PTCSC3: variants seen among roughly 807,000 people sequenced by gnomAD.
PTCSC3 encodes the protein papillary thyroid carcinoma susceptibility candidate 3.
downstream of PTCSC3, among the ~76,000 whole-genome samples, chr14:36,135,875 ATG>A (rs536336304): frequency 3.6e-5 from 3 of 84,346 alleles, no homozygotes; most frequent in South Asian, 4.3e-4. Flanking sequence ...ATATATATAT[ATG>A]TGTGTGTGTG....
intron 2 of PTCSC3, among the ~76,000 whole-genome samples, chr14:36,158,578 C>T (rs898156526): frequency 6.6e-6 from 1 of 152,146 alleles, no homozygotes; most frequent in Non-Finnish European, 1.5e-5. Context: ...TGTGTTGAAC[C>T]AGCCTTGCAT....
upstream of PTCSC3, chr14:36,176,528 C>T (rs2139117100): frequency 6.6e-6 from 1 of 152,070 alleles, no homozygotes; most frequent in Non-Finnish European, 1.5e-5. Context: ...TGCGATCCCC[C>T]TGGATATTTT....
At chr14:36,169,984 C>T (rs1055383649) in intron 1 of PTCSC3, among the ~76,000 whole-genome samples, 2 of 152,042 alleles carry the variant, frequency 1.3e-5, no homozygotes, top group African/African-American at 2.4e-5. Flanking sequence ...AGCTCTAGAA[C>T]GTTGAACTGT....
chr14:36,149,883 CA>C (rs532696940), intron 3 of PTCSC3, among the ~76,000 whole-genome samples: 1 of 152,142 alleles, frequency 6.6e-6, no homozygotes, highest in South Asian at 2.1e-4. Flanking sequence ...TGCTTAGGAC[CA>C]AAAGTTTTTC....
chr14:36,160,046 G>C (rs1042794830), intron 2 of PTCSC3, among the ~76,000 whole-genome samples: 2 of 152,012 alleles, frequency 1.3e-5, no homozygotes, highest in African/African-American at 4.8e-5. Flanking sequence ...AGGATTGCAA[G>C]CCCTGCTTTT....
At chr14:36,158,178 A>C (rs142350935) in intron 2 of PTCSC3, among the ~76,000 whole-genome samples, 2,093 of 152,316 alleles carry the variant, frequency 0.014, 42 homozygotes, top group African/African-American at 0.044. Context: ...TTTTCTAAAT[A>C]TACAATCATG....
In PTCSC3 at chr14:36,163,634, C is replaced by T. The variant is rs12433979; in HGVS notation, n.172-951G>A. On this transcript the variant is annotated intron_variant and non_coding_transcript_variant, in intron 1 of 3. Transcript: ENST00000556013. ...GGAATTCTGCACGTATCTAGAAGGG[C>T]TTTTGCCAGAAAACCGTTAAGCTTA... Among the ~76,000 whole-genome samples, 1,012 of 152,268 alleles carry T rather than the reference C, an allele frequency of 6.6e-3. 11 individuals carry two copies. Among genetic ancestry groups the T allele is most frequent in the African/African-American group, 0.021 (852 of 41,554 alleles).
chr14:36,148,519 G>A (rs946255275), intron 3 of PTCSC3, among the ~76,000 whole-genome samples: 15 of 152,310 alleles, frequency 9.8e-5, no homozygotes, highest in African/African-American at 2.9e-4. Context: ...GCCCTGCTTC[G>A]GCTAGCGTGC....
At chr14:36,172,545 CCCT>C (rs1364820469) in intron 1 of PTCSC3, among the ~76,000 whole-genome samples, 4 of 152,078 alleles carry the variant, frequency 2.6e-5, no homozygotes, top group South Asian at 2.1e-4. Context: ...TTCTTATCCT[CCCT>C]CCTCAATTCT....
At chr14:36,138,077 A>G (rs1881330058) in intron 3 of PTCSC3, among the ~76,000 whole-genome samples, 1 of 152,224 alleles carries the variant, frequency 6.6e-6, no homozygotes, top group Admixed American at 6.5e-5. Flanking sequence ...AGGAGAGAAC[A>G]GGAAGAAGTG....
intron 3 of PTCSC3, among the ~76,000 whole-genome samples, chr14:36,142,496 G>T (rs1881446316): frequency 6.6e-6 from 1 of 152,152 alleles, no homozygotes; most frequent in Non-Finnish European, 1.5e-5. Context: ...TGGCCTATTA[G>T]AATAAATTAG....
rs1037076329 is a variant in PTCSC3, at chr14:36,173,602, A to G, written n.171+2696T>C. ...TTGAAATTAAGTCTATAGGAACTTC[A>G]GTTCTATAATGATATCTATCTTCAG... On this transcript the variant is annotated intron_variant and non_coding_transcript_variant, in intron 1 of 3. Coordinates refer to ENST00000556013, the Ensembl canonical transcript of PTCSC3. Among the ~76,000 whole-genome samples the G allele has an allele frequency of 7.0e-5, 10 of 143,066 alleles. No individual in the cohort carries two copies. The Admixed American group carries it at 7.0e-4, about 10-fold the overall frequency. The allele number at this position is 143,066 out of a possible 152,430, so 93.9% of individuals were successfully genotyped here.
rs756203236 is a variant in PTCSC3 at position 36,141,947 on chromosome 14, T to A, written n.323-5591A>T. ...TAATTCCAGGAATTTTTTTTCCACATAGACAATCATGTCATATGTGAACAA... is the reference window on the plus strand; with the variant it reads ...TAATTCCAGGAATTTTTTTTCCACAAAGACAATCATGTCATATGTGAACAA... On this transcript the variant is annotated intron_variant and non_coding_transcript_variant, in intron 3 of 3. Coordinates refer to ENST00000556013, the Ensembl canonical transcript of PTCSC3. 9.9e-5 allele frequency among the ~76,000 whole-genome samples: 15 copies of A among 152,202 alleles called. 1 individual carries two copies. The highest frequency in any genetic ancestry group is 1.6e-4 in the Non-Finnish European group (11 of 68,044).
intron 1 of PTCSC3, chr14:36,162,833 A>G (rs557077932): frequency 6.6e-6 from 1 of 152,334 alleles, no homozygotes; most frequent in Non-Finnish European, 1.5e-5. Context: ...TCCATCAGTA[A>G]TGGAGTTTGC....
chr14:36,159,181 T>TA (rs200950314), intron 2 of PTCSC3, among the ~76,000 whole-genome samples: 14,179 of 146,298 alleles, frequency 0.097, 931 homozygotes, highest in East Asian at 0.33. Flanking sequence ...TGTTGATCTT[T>TA]AAAAAAAAAA....
intron 3 of PTCSC3, among the ~76,000 whole-genome samples, chr14:36,151,058 A>G (rs1881710629): frequency 6.6e-6 from 1 of 152,210 alleles, no homozygotes; most frequent in Non-Finnish European, 1.5e-5. Flanking sequence ...CTTGCAAGGC[A>G]AATAAATCTA....
chr14:36,143,317 CTGT>C (rs1410453446), intron 3 of PTCSC3, among the ~76,000 whole-genome samples: 25 of 125,332 alleles, frequency 2.0e-4, no homozygotes, highest in African/African-American at 7.6e-4. Flanking sequence ...TCTCCAGCAC[CTGT>C]TGTTTCCTGA....
chr14:36,167,765 C>G (rs1235076831), intron 1 of PTCSC3, among the ~76,000 whole-genome samples: 2 of 152,088 alleles, frequency 1.3e-5, no homozygotes, highest in African/African-American at 4.8e-5. Flanking sequence ...CTTAGGAAAC[C>G]TCATAGTCTG....
intron 1 of PTCSC3, among the ~76,000 whole-genome samples, chr14:36,169,365 T>A (rs1882152975): frequency 6.6e-6 from 1 of 152,206 alleles, no homozygotes; most frequent in African/African-American, 2.4e-5. Flanking sequence ...ATTCGTGGTG[T>A]CTCAGATCTC....
Sources: gnomAD v4.1 joint callset for allele counts (sites outside exome capture counted in the v4.1 genomes callset) on GRCh38, gnomAD v4.1.1 for gene constraint, MANE v1.5 for transcripts, NCBI Gene and HGNC (gene_info 2026-07-23, HGNC 2026-07-21) for gene names.